PRDM15: variants seen among roughly 807,000 people sequenced by gnomAD.
PRDM15 encodes PR domain zinc finger protein 15.
A neutral mutation model predicts 128.6 loss-of-function variants in PRDM15; 64 were observed. That is an observed-to-expected ratio of 0.50 (90% CI 0.41 to 0.61). The LOEUF is 0.61. Ranked by LOEUF, PRDM15 falls within the 20% of genes least tolerant of loss-of-function variation. The probability of loss-of-function intolerance (pLI) is 0.00; values close to 1 mark genes in which losing one functional copy is unlikely to be tolerated. For missense variants in PRDM15, 1,242 were observed against 1,569.1 expected, an observed-to-expected ratio of 0.79 and a Z score of 3.52; for synonymous variants, 615 against 621.8, an observed-to-expected ratio of 0.99 and a Z score of 0.16.
At chr21:41,806,522 T>C (rs201695926) in intron 21 of PRDM15, among the ~76,000 whole-genome samples, 13 of 45,334 alleles carry the variant, frequency 2.9e-4, no homozygotes, top group African/African-American at 1.4e-3. Flanking sequence ...ACCACCACCA[T>C]CACCACCACC....
At chr21:41,804,110 T>C (rs1269192997) in intron 22 of PRDM15, among the ~76,000 whole-genome samples, 5 of 152,168 alleles carry the variant, frequency 3.3e-5, no homozygotes, top group Non-Finnish European at 5.9e-5. Flanking sequence ...ATTACAGGCG[T>C]GCACTACCAC....
At position 41,801,063 on chromosome 21, in the gene PRDM15, A is replaced by T; in HGVS notation, c.*177T>A. On this transcript the variant is annotated 3_prime_UTR_variant, in exon 24 of 24. Transcript: ENST00000398548. ...CTGGCCTGCCAGAGGTCCCTTCTAG[A>T]GTTAAGCTGACAGACCGTAATGGTT... 1.1e-6 allele frequency: 1 copy of T among 882,546 alleles called. No individual in the cohort carries two copies. Among genetic ancestry groups the T allele is most frequent in the Non-Finnish European group, 1.7e-6 (1 of 593,902 alleles). 54.7% of individuals were successfully genotyped at this position (882,546 alleles called of 1,614,324 possible).
intron 18 of PRDM15, among the ~76,000 whole-genome samples, chr21:41,816,415 T>G (rs558331888): frequency 6.6e-6 from 1 of 152,268 alleles, no homozygotes; most frequent in South Asian, 2.1e-4. Context: ...CACAGGCATG[T>G]GCGGCTTGGT....
intron 7 of PRDM15, 67 bp downstream of exon 7, chr21:41,839,556 G>T: frequency 1.2e-6 from 1 of 859,264 alleles, no homozygotes; most frequent in Non-Finnish European, 1.8e-6. Flanking sequence ...CCCCTGCCCC[G>T]CCAGCCCTCG....
intron 18 of PRDM15, 105 bp downstream of exon 18, chr21:41,819,462 CCCCGCCCCCGCCACA>C (rs2062170804): frequency 1.5e-6 from 1 of 674,918 alleles, no homozygotes; most frequent in Non-Finnish European, 2.3e-6. Context: ...TGGCCCCGGC[CCCCGCCCCCGCCACA>C]CCCACCTTCC....
At chr21:41,819,539 G>T (rs776905363) in intron 18 of PRDM15, 43 bp downstream of exon 18, 13 of 1,594,158 alleles carry the variant, frequency 8.2e-6, no homozygotes, top group Non-Finnish European at 1.1e-5. Flanking sequence ...GCAGCAGGGT[G>T]GCCTGGCTGA....
intron 18 of PRDM15, among the ~76,000 whole-genome samples, chr21:41,816,490 C>T (rs913508297): frequency 1.3e-5 from 2 of 152,192 alleles, no homozygotes; most frequent in African/African-American, 4.8e-5. Flanking sequence ...GCAGCCTCCC[C>T]AGCCCCGAAG....
Position 41,801,734 on chromosome 21 carries a change from A to T in PRDM15, c.2944-12T>A. ...AGGGTCACCACTACCTGGAAGATTCACACACAACAAAAATCCGTTCATTTT... is the reference window on the plus strand; with the variant it reads ...AGGGTCACCACTACCTGGAAGATTCTCACACAACAAAAATCCGTTCATTTT... On this transcript the variant is annotated splice_polypyrimidine_tract_variant and intron_variant, in intron 23 of 23. Coordinates refer to ENST00000398548, the MANE Select transcript of PRDM15 (RefSeq NM_001040424.3). 1 of 1,604,226 alleles carries T rather than the reference A, an allele frequency of 6.2e-7. No individual in the cohort carries two copies. Among genetic ancestry groups the T allele is most frequent in the Non-Finnish European group, 8.5e-7 (1 of 1,172,472 alleles).
Position 41,810,876 on chromosome 21 carries a change from G to A in PRDM15, c.2393-40C>T. 1 of 1,575,380 alleles carries A rather than the reference G, an allele frequency of 6.3e-7. No homozygotes were observed. Among genetic ancestry groups the A allele is most frequent in the South Asian group, 1.1e-5 (1 of 90,330 alleles). On this transcript the variant is annotated intron_variant, in intron 19 of 23. Coordinates refer to ENST00000398548, the MANE Select transcript of PRDM15 (RefSeq NM_001040424.3). The surrounding 1 kb of genome is among the most constrained non-coding windows in gnomAD (Gnocchi z 6.4). ...GCACATAACTTCCTACGTTTAATGA[G>A]TGTTGTAAGTCCACATCAGGGCATG...
Position 41,878,938 on chromosome 21 carries a change from G to C in PRDM15, c.-10+332C>G, listed in dbSNP as rs998837584. The C allele has an allele frequency of 1.4e-5, 13 of 958,738 alleles. No individual in the cohort carries two copies. In the African/African-American group the frequency reaches 2.3e-4, roughly 17 times the overall value. 59.4% of individuals were successfully genotyped at this position (958,738 alleles called of 1,614,324 possible). ...GGGCCTGGCCGCGGGCGGGCGGGGG[G>C]CGCGAGGCAGGGGACGGGGGCGCGG... On this transcript the variant is annotated intron_variant, in intron 1 of 23. Coordinates refer to ENST00000398548, the MANE Select transcript of PRDM15 (RefSeq NM_001040424.3).
rs369747207 is a variant in PRDM15 at position 41,854,518 on chromosome 21, G to C, written c.538+48C>G. ...AGAGCCAAGGGACCATAACCCCTTC[G>C]GCGAGGCACAAGGGAAGGTGGGCTC... On this transcript the variant is annotated intron_variant, in intron 5 of 23. Transcript: ENST00000398548. This position sits in a 1 kb window ranked among gnomAD's most constrained non-coding sequence, Gnocchi z 4.6. The C allele has an allele frequency of 6.2e-7, 1 of 1,603,458 alleles. No individual in the cohort carries two copies. Among genetic ancestry groups the C allele is most frequent in the African/African-American group, 1.3e-5 (1 of 74,886 alleles).
In PRDM15 at chr21:41,828,187, G is replaced by A; in HGVS notation, c.1513C>T (p.His505Tyr). The change falls in exon 12 of 24, where the codon CAC becomes TAC. Residue 505 changes from histidine (H) to tyrosine (Y), a missense_variant. By Grantham distance (83) the His-to-Tyr change is moderately conservative (BLOSUM62 2). Around this residue, in one of 3 missense-constraint regions of PRDM15, gnomAD observed 612 missense variants for 717.0 expected, o/e 0.85. Transcript: ENST00000398548. This position sits in a 1 kb window ranked among gnomAD's most constrained non-coding sequence, Gnocchi z 5.7. ...TCACCTTCCAGGTGCCGGCGCTGGT[G>A]GTCCAGCATGACGTCCTTGCGGTAG... is the stretch of plus-strand genomic sequence containing the variant. ...MFYRKDVMLDHQRRHLEGVRR... is the reference protein window; with the variant it reads ...MFYRKDVMLDYQRRHLEGVRR... 1.2e-6 allele frequency: 2 copies of A among 1,613,942 alleles called. No individual in the cohort carries two copies. The highest frequency in any genetic ancestry group is 1.7e-6 in the Non-Finnish European group (2 of 1,179,960).
chr21:41,879,086 C>G lies in PRDM15; in HGVS notation c.-10+184G>C, dbSNP rs1340221945. 8.9e-7 allele frequency: 1 copy of G among 1,128,940 alleles called. No homozygotes were observed. The highest frequency in any genetic ancestry group is 1.1e-6 in the Non-Finnish European group (1 of 896,652). The allele number at this position is 1,128,940 out of a possible 1,614,324, so 69.9% of individuals were successfully genotyped here. Reference sequence around the variant, plus strand: ...TCCGATCGCCAACGGTGCCCGCAGCCGGCGAATGTAACAAAGAACAGTCGG... The same window carrying G: ...TCCGATCGCCAACGGTGCCCGCAGCGGGCGAATGTAACAAAGAACAGTCGG... On this transcript the variant is annotated intron_variant, in intron 1 of 23. Coordinates refer to ENST00000398548, the MANE Select transcript of PRDM15 (RefSeq NM_001040424.3). The surrounding 1 kb of genome is among the most constrained non-coding windows in gnomAD (Gnocchi z 5.1).
intron 14 of PRDM15, chr21:41,823,106 A>G: frequency 1.6e-6 from 1 of 615,652 alleles, no homozygotes; most frequent in Non-Finnish European, 3.0e-6. Context: ...GTGAGGACAC[A>G]GTGAGAAGGC....
chr21:41,848,481 G>T (rs1206450671), intron 5 of PRDM15, among the ~76,000 whole-genome samples: 1 of 152,208 alleles, frequency 6.6e-6, no homozygotes, highest in African/African-American at 2.4e-5. Context: ...TCCCTTTTAC[G>T]CTTGCTCTCT....
chr21:41,823,092 C>T (rs79261814), intron 14 of PRDM15: 25,240 of 564,654 alleles, frequency 0.045, 821 homozygotes, highest in South Asian at 0.094. Context: ...TACCCTTCTA[C>T]CATGTGAGGA....
In PRDM15 at chr21:41,810,017, T is replaced by C; in HGVS notation, c.2652+137A>G. 1 of 820,614 alleles carries C rather than the reference T, an allele frequency of 1.2e-6. No homozygotes were observed. Among genetic ancestry groups the C allele is most frequent in the Non-Finnish European group, 1.9e-6 (1 of 533,088 alleles). The allele number at this position is 820,614 out of a possible 1,614,324, so 50.8% of individuals were successfully genotyped here. ...CCTCCTGTGTGGCAGGCAGTGCCAG[T>C]CACAGACGCACCTAAGACTCAGGGC... On this transcript the variant is annotated intron_variant, in intron 21 of 23. Coordinates refer to ENST00000398548, the MANE Select transcript of PRDM15 (RefSeq NM_001040424.3). This position sits in a 1 kb window ranked among gnomAD's most constrained non-coding sequence, Gnocchi z 6.4.
chr21:41,806,725 A>C, intron 21 of PRDM15, among the ~76,000 whole-genome samples: 1 of 84,782 alleles, frequency 1.2e-5, no homozygotes, highest in Admixed American at 1.2e-4. Flanking sequence ...CATCACCACC[A>C]TCACCATCAC....
intron 19 of PRDM15, chr21:41,814,781 C>T (rs1316958782): frequency 1.4e-5 from 2 of 147,104 alleles, no homozygotes; most frequent in Non-Finnish European, 2.9e-5. Flanking sequence ...ATGAGAATGC[C>T]TCATGTTAGT....
Sources: allele counts gnomAD v4.1 joint callset (sites outside exome capture counted in the v4.1 genomes callset), GRCh38; gene constraint gnomAD v4.1.1; regional missense constraint gnomAD v4.1.1; non-coding constraint Gnocchi (gnomAD v3.1); transcripts MANE v1.5; gene names NCBI Gene and HGNC (gene_info 2026-07-23, HGNC 2026-07-21).